The following KCNN2 variants were observed in gnomAD, a reference collection of about 807,000 sequenced individuals.
KCNN2 encodes the protein small conductance calcium-activated potassium channel protein 2.
In KCNN2, 24 loss-of-function variants were observed where a neutral mutation model predicts 55.5. The ratio of observed to expected loss-of-function variants is 0.43; its 90% confidence interval spans 0.31 to 0.61. KCNN2 has a LOEUF of 0.61. Among genes scored for constraint, KCNN2 ranks in the 20% least tolerant of loss-of-function variants. The pLI is 0.08. For synonymous variants in KCNN2, 431 were observed against 336.1 expected (o/e 1.28, Z -3.09); for missense variants, 754 against 853.6 (o/e 0.88, Z 1.45).
At chr5:114,470,307 A>T (rs553343509) in intron 4 of KCNN2, among the ~76,000 whole-genome samples, 1 of 152,322 alleles carries the variant, frequency 6.6e-6, no homozygotes, top group South Asian at 2.1e-4. Flanking sequence ...CTGTCTCTGC[A>T]GTAGTTAGGA....
chr5:114,242,031 T>C (rs1754654698), intron 2 of KCNN2, among the ~76,000 whole-genome samples: 1 of 151,476 alleles, frequency 6.6e-6, no homozygotes, highest in African/African-American at 2.4e-5. Context: ...GCCTGTTTCT[T>C]GAGCCCCAGT....
intron 5 of KCNN2, among the ~76,000 whole-genome samples, chr5:114,476,875 T>G (rs1360269170): frequency 6.6e-6 from 1 of 152,210 alleles, no homozygotes; most frequent in African/African-American, 2.4e-5. Flanking sequence ...TTTATAGTCC[T>G]CTCATTATTT....
chr5:114,425,718 T>C (rs955228650), intron 3 of KCNN2, among the ~76,000 whole-genome samples: 2 of 152,150 alleles, frequency 1.3e-5, no homozygotes, highest in African/African-American at 4.8e-5. Context: ...CAACCACTTC[T>C]TAGTACCTCC....
At chr5:114,366,294 G>A (rs997947881) in intron 2 of KCNN2, among the ~76,000 whole-genome samples, 8 of 152,084 alleles carry the variant, frequency 5.3e-5, no homozygotes, top group African/African-American at 1.9e-4. Context: ...CAACATAAAC[G>A]TTATAGAATG....
intron 5 of KCNN2, among the ~76,000 whole-genome samples, chr5:114,474,031 A>G (rs1651849710): frequency 6.6e-6 from 1 of 152,210 alleles, no homozygotes; most frequent in Admixed American, 6.5e-5. Context: ...ACTACTGCTC[A>G]ATGTGGAATG....
In KCNN2 at chr5:114,427,096, C is replaced by T. The variant is rs183174291; in HGVS notation, c.1637+22240C>T. 7.9e-5 allele frequency among the ~76,000 whole-genome samples: 12 copies of T among 152,272 alleles called. No individual in the cohort carries two copies. The East Asian group carries it at 2.3e-3, about 29-fold the overall frequency. On this transcript the variant is annotated intron_variant, in intron 3 of 7. Coordinates refer to ENST00000673685, the MANE Select transcript of KCNN2 (RefSeq NM_021614.4). ...ACCTGCACCTGGAGTCATCTCCATC[C>T]TGCCACAGCACTCACCATGTTTCCT...
At chr5:114,118,808 A>G (rs1335944141) in intron 1 of KCNN2, among the ~76,000 whole-genome samples, 1 of 152,156 alleles carries the variant, frequency 6.6e-6, no homozygotes, top group Non-Finnish European at 1.5e-5. Context: ...CCAAAACCAC[A>G]TTCTGCAGGG....
chr5:114,179,252 A>C (rs1291666512), intron 1 of KCNN2, among the ~76,000 whole-genome samples: 2 of 152,194 alleles, frequency 1.3e-5, no homozygotes, highest in Admixed American at 1.3e-4. Context: ...AGGCTTACAG[A>C]GCTACAAAAT....
chr5:114,452,935 T>C (rs1760757626), intron 3 of KCNN2, among the ~76,000 whole-genome samples: 1 of 152,222 alleles, frequency 6.6e-6, no homozygotes, highest in Non-Finnish European at 1.5e-5. Context: ...TTGCCTTTAC[T>C]TCAAATGAAA....
intron 2 of KCNN2, among the ~76,000 whole-genome samples, chr5:114,251,239 T>C (rs1423794064): frequency 6.6e-6 from 1 of 152,194 alleles, no homozygotes; most frequent in Non-Finnish European, 1.5e-5. Context: ...CCCATTGTTA[T>C]CGCCTACATA....
At chr5:114,178,271 G>A (rs1753174877) in intron 1 of KCNN2, among the ~76,000 whole-genome samples, 1 of 152,142 alleles carries the variant, frequency 6.6e-6, no homozygotes, top group African/African-American at 2.4e-5. Flanking sequence ...ATAAATGGAA[G>A]GTGGCCAAAT....
intron 2 of KCNN2, chr5:114,253,514 G>A (rs538577744): frequency 6.5e-6 from 1 of 153,046 alleles, no homozygotes; most frequent in South Asian, 2.1e-4. Context: ...GAAGGAGGAG[G>A]ACGTGAGAGT....
At position 114,445,594 on chromosome 5, in the gene KCNN2, ATGTT is replaced by A. The variant is rs546234299; in HGVS notation, c.1638-17452_1638-17449del. The stretch of plus-strand genomic sequence containing the variant: ...CACCATTGGAAGCATCTGTTTAAAA[ATGTT>A]TGACATGCATCAAAATACACAAAGT... On this transcript the variant is annotated intron_variant, in intron 3 of 7. Coordinates refer to ENST00000673685, the MANE Select transcript of KCNN2 (RefSeq NM_021614.4). 7.2e-5 allele frequency among the ~76,000 whole-genome samples: 11 copies of A among 152,382 alleles called. No individual in the cohort carries two copies. In the East Asian group the frequency reaches 2.1e-3, roughly 29 times the overall value.
chr5:114,370,844 G>A (rs1383929019), intron 2 of KCNN2, among the ~76,000 whole-genome samples: 3 of 152,088 alleles, frequency 2.0e-5, no homozygotes, highest in African/African-American at 7.2e-5. Flanking sequence ...ACATGCAGTG[G>A]GAAAGTCAGT....
chr5:114,330,896 CAA>C (rs1320812618), intron 2 of KCNN2, among the ~76,000 whole-genome samples: 1 of 151,414 alleles, frequency 6.6e-6, no homozygotes, highest in African/African-American at 2.4e-5. Context: ...CAACTGAATG[CAA>C]AAAAAATTAG....
chr5:114,211,375 C>T (rs1753881694), intron 1 of KCNN2, among the ~76,000 whole-genome samples: 3 of 152,226 alleles, frequency 2.0e-5, no homozygotes, highest in East Asian at 1.9e-4. Context: ...AAACGCTATG[C>T]AGCCATAAAA....
At chr5:114,140,291 A>G (rs1469530943) in intron 1 of KCNN2, among the ~76,000 whole-genome samples, 1 of 152,254 alleles carries the variant, frequency 6.6e-6, no homozygotes, top group Non-Finnish European at 1.5e-5. Context: ...TCAAGTAGCT[A>G]AACCTCAGCT....
At chr5:114,480,325 C>T (rs1414758411) in intron 5 of KCNN2, among the ~76,000 whole-genome samples, 1 of 152,076 alleles carries the variant, frequency 6.6e-6, no homozygotes, top group East Asian at 1.9e-4. Context: ...AAATTGAATT[C>T]CTGAATAGAC....
At chr5:114,172,594 T>TTA (rs70976318) in intron 1 of KCNN2, among the ~76,000 whole-genome samples, 61,208 of 147,344 alleles carry the variant, frequency 0.42, 13,882 homozygotes, top group Middle Eastern at 0.54. Flanking sequence ...ACATATTTAG[T>TTA]TATATATATA....
Sources: allele counts gnomAD v4.1 joint callset (sites outside exome capture counted in the v4.1 genomes callset), GRCh38; gene constraint gnomAD v4.1.1; transcripts MANE v1.5; gene names NCBI Gene and HGNC (gene_info 2026-07-23, HGNC 2026-07-21).